Variants in ANKRD36C observed in about 807,000 individuals in gnomAD.
ANKRD36C encodes the protein ankyrin repeat domain-containing protein 36C.
In ANKRD36C, 61 loss-of-function variants were observed where a neutral mutation model predicts 276.4. The observed-to-expected ratio is 0.22, with a 90% CI of 0.18 to 0.27. ANKRD36C has a LOEUF of 0.27. Among genes scored for constraint, ANKRD36C ranks in the 10% least tolerant of loss-of-function variants. The pLI is 1.00. For missense variants in ANKRD36C, 1,447 were observed against 2,032.3 expected, an observed-to-expected ratio of 0.71 and a Z score of 5.54; for synonymous variants, 483 against 680.1, an observed-to-expected ratio of 0.71 and a Z score of 4.51.
In ANKRD36C at chr2:95,915,903, C is replaced by G. The variant is rs1045027405; in HGVS notation, c.2449+77G>C. ...AATCAGAATGTGCAGCTTCGACCAGCCCCCCACTGATTTATTCGGGGAAGA... is the reference window on the plus strand; with the variant it reads ...AATCAGAATGTGCAGCTTCGACCAGGCCCCCACTGATTTATTCGGGGAAGA... On this transcript the variant is annotated intron_variant, in intron 38 of 66. Coordinates refer to ENST00000456556, the Ensembl canonical transcript of ANKRD36C. The G allele has an allele frequency of 2.8e-5, 41 of 1,480,714 alleles. No homozygotes were observed. In the South Asian group the frequency reaches 4.2e-4, roughly 15 times the overall value. 91.7% of individuals were successfully genotyped at this position (1,480,714 alleles called of 1,614,324 possible).
At chr2:95,966,792 A>G (rs1305921347) in intron 6 of ANKRD36C, among the ~76,000 whole-genome samples, 1 of 152,176 alleles carries the variant, frequency 6.6e-6, no homozygotes, top group Admixed American at 6.5e-5. Context: ...CTTTCTAACC[A>G]TGAGCATGGA....
intron 42 of ANKRD36C, among the ~76,000 whole-genome samples, chr2:95,911,154 T>C (rs1046092749): frequency 3.3e-5 from 5 of 151,474 alleles, no homozygotes; most frequent in African/African-American, 4.8e-5. Context: ...CTCACACCCA[T>C]GTGGTGTAAT....
At chr2:95,930,662 A>G (rs1186902858) in intron 24 of ANKRD36C, among the ~76,000 whole-genome samples, 3 of 151,378 alleles carry the variant, frequency 2.0e-5, no homozygotes, top group African/African-American at 7.3e-5. Context: ...ACATATATAT[A>G]CATATGTCAT....
Position 95,919,646 on chromosome 2 carries a change from C to T in ANKRD36C, c.2246-1604G>A. Reference sequence around the variant, plus strand: ...GAATGTGCAGCTTCGGCGACTCCCCCCACCCACCCTCCGCTGATTTATTCG... The same window carrying T: ...GAATGTGCAGCTTCGGCGACTCCCCTCACCCACCCTCCGCTGATTTATTCG... On this transcript the variant is annotated intron_variant, in intron 34 of 66. Transcript: ENST00000456556. The T allele has an allele frequency of 3.3e-6, 2 of 607,678 alleles. 1 individual carries two copies. The highest frequency in any genetic ancestry group is 4.1e-6 in the Non-Finnish European group (2 of 492,570). 37.6% of individuals were successfully genotyped at this position (607,678 alleles called of 1,614,324 possible). A position where few individuals can be genotyped will look rare whatever the true frequency, so the allele number is the denominator to read the frequency against.
rs774932082 is a variant in ANKRD36C at position 95,891,798 on chromosome 2, T to A, written c.2784+34A>T. On this transcript the variant is annotated intron_variant, in intron 45 of 66. Coordinates refer to ENST00000456556, the Ensembl canonical transcript of ANKRD36C. ...AAGTATGTTTCATAGACTATACATT[T>A]ACTAGTTCACAATATAAATGACAGT... 21 of 1,559,302 alleles carry A rather than the reference T, an allele frequency of 1.3e-5. No homozygotes were observed. In the South Asian group the frequency reaches 2.2e-4, roughly 17 times the overall value.
At chr2:95,966,866 G>A (rs1678602692) in intron 6 of ANKRD36C, among the ~76,000 whole-genome samples, 1 of 152,032 alleles carries the variant, frequency 6.6e-6, no homozygotes, top group Admixed American at 6.6e-5. Context: ...TCTCCTTAAA[G>A]AGGTCCTTCA....
exon 8 of ANKRD36C, chr2:95,962,395 C>A (rs747098050): frequency 1.9e-6 from 3 of 1,566,346 alleles, no homozygotes; most frequent in Non-Finnish European, 2.6e-6. Context: ...TGGCTATATT[C>A]GAGATAGAAT....
chr2:95,960,475 G>T, exon 10 of ANKRD36C: 1 of 1,539,136 alleles, frequency 6.5e-7, no homozygotes, highest in Non-Finnish European at 8.7e-7. Context: ...AAAATTACCT[G>T]TCCCAGATTT....
intron 6 of ANKRD36C, among the ~76,000 whole-genome samples, chr2:95,966,893 T>C (rs1236294027): frequency 6.6e-6 from 1 of 152,188 alleles, no homozygotes; most frequent in African/African-American, 2.4e-5. Context: ...TTGTGAGTTG[T>C]ATTCCTTGCT....
In ANKRD36C at chr2:95,928,088, ATCAAT is replaced by A. The variant is rs770529984; in HGVS notation, c.1838-684_1838-680del. Among the ~76,000 whole-genome samples, 1,422 of 151,762 alleles carry A rather than the reference ATCAAT, an allele frequency of 9.4e-3. 10 individuals carry two copies. Among genetic ancestry groups the A allele is most frequent in the South Asian group, 0.031 (150 of 4,820 alleles). ...ATAATATATTAGCCTCAATAAAAAT[ATCAAT>A]TACCAATGTTAACATACTTCTACAA... On this transcript the variant is annotated intron_variant, in intron 26 of 66. Transcript: ENST00000456556.
At chr2:95,893,835 G>C in intron 44 of ANKRD36C, 111 bp from the exon 63 acceptor site, 1 of 1,553,460 alleles carries the variant, frequency 6.4e-7, no homozygotes, top group Non-Finnish European at 8.7e-7. Context: ...ATTAGCGTAG[G>C]CTTTAATGGC....
intron 54 of ANKRD36C, 71 bp downstream of exon 74, chr2:95,884,102 G>A (rs981184957): frequency 6.7e-7 from 1 of 1,497,832 alleles, no homozygotes; most frequent in African/African-American, 1.4e-5. Context: ...GCCCTCCGTT[G>A]ATTTATTTGG....
Position 95,856,854 on chromosome 2 carries a change from C to G in ANKRD36C, c.4080+455G>C, listed in dbSNP as rs1439839155. Reference sequence around the variant, plus strand: ...TATTCCTAGTGCTCTTCCATCAAATCAGTAACTTCTGTGAGGTAGATATAT... The same window carrying G: ...TATTCCTAGTGCTCTTCCATCAAATGAGTAACTTCTGTGAGGTAGATATAT... On this transcript the variant is annotated intron_variant, in intron 62 of 66. Coordinates refer to ENST00000456556, the Ensembl canonical transcript of ANKRD36C. 2.6e-5 allele frequency among the ~76,000 whole-genome samples: 4 copies of G among 152,118 alleles called. No homozygotes were observed. In the East Asian group the frequency reaches 7.7e-4, roughly 29 times the overall value.
intron 19 of ANKRD36C, among the ~76,000 whole-genome samples, chr2:95,943,795 T>C (rs1677961948): frequency 6.6e-6 from 1 of 151,990 alleles, no homozygotes; most frequent in Non-Finnish European, 1.5e-5. Context: ...GACATCACTT[T>C]ACTGAAATTT....
At position 95,940,922 on chromosome 2, in the gene ANKRD36C, A is replaced by T. The variant is rs1439647595; in HGVS notation, c.1531+238T>A. ...TAAATTATATTTACTATTAAAAATT[A>T]ATAAATTATATTTATAATTTAATTA... On this transcript the variant is annotated intron_variant, in intron 20 of 66. Coordinates refer to ENST00000456556, the Ensembl canonical transcript of ANKRD36C. Among the ~76,000 whole-genome samples, 7 of 147,650 alleles carry T rather than the reference A, an allele frequency of 4.7e-5. No individual in the cohort carries two copies. The East Asian group carries it at 1.2e-3, about 25-fold the overall frequency.
intron 17 of ANKRD36C, 41 bp downstream of exon 17, chr2:95,948,489 A>ATT: frequency 1.3e-6 from 2 of 1,509,290 alleles, no homozygotes; most frequent in Non-Finnish European, 1.8e-6. Flanking sequence ...AAAAAATGAG[A>ATT]TTCGGAGTGA....
chr2:95,858,050 C>A (rs1675462709), intron 61 of ANKRD36C, among the ~76,000 whole-genome samples: 1 of 151,964 alleles, frequency 6.6e-6, no homozygotes, highest in African/African-American at 2.4e-5. Context: ...AGCCTGGAAG[C>A]CCCAGCTTTG....
At chr2:95,968,382 A>G (rs934164145) in intron 6 of ANKRD36C, among the ~76,000 whole-genome samples, 2 of 152,224 alleles carry the variant, frequency 1.3e-5, no homozygotes, top group East Asian at 1.9e-4. Flanking sequence ...TAAAATAGTC[A>G]TAATTCTAAC....
chr2:95,923,731 T>C (rs1680666491), intron 30 of ANKRD36C, 42 bp from the exon 31 acceptor site: 5 of 1,604,090 alleles, frequency 3.1e-6, no homozygotes, highest in Non-Finnish European at 4.3e-6. Context: ...TATGTAAATA[T>C]GATAAAGTTA....
Sources: allele counts gnomAD v4.1 joint callset (sites outside exome capture counted in the v4.1 genomes callset), GRCh38; gene constraint gnomAD v4.1.1; transcripts MANE v1.5; gene names NCBI Gene and HGNC (gene_info 2026-07-23, HGNC 2026-07-21).